TMEM38B: variants seen among roughly 807,000 people sequenced by gnomAD.
TMEM38B encodes trimeric intracellular cation channel type B.
In TMEM38B, 24 loss-of-function variants were observed where a neutral mutation model predicts 28.7. That is an observed-to-expected ratio of 0.84 (90% CI 0.61 to 1.18). TMEM38B has a LOEUF of 1.18. Among genes scored for constraint, TMEM38B ranks in the 50% most tolerant of loss-of-function variants. The pLI, the probability that TMEM38B is intolerant of heterozygous loss-of-function variation, is 0.00. For missense variants in TMEM38B, 380 were observed against 350.9 expected, an observed-to-expected ratio of 1.08 and a Z score of -0.66; for synonymous variants, 131 against 127.7, an observed-to-expected ratio of 1.03 and a Z score of -0.17.
intron 4 of TMEM38B, among the ~76,000 whole-genome samples, chr9:105,731,031 A>AT (rs1836721913): frequency 5.3e-5 from 8 of 151,978 alleles, no homozygotes; most frequent in South Asian, 2.1e-4. Context: ...GGATTCATTG[A>AT]TTTTTTGAAG....
At position 105,756,394 on chromosome 9, in the gene TMEM38B, A is replaced by G. The variant is rs189848381; in HGVS notation, c.660+8204A>G. On this transcript the variant is annotated intron_variant, in intron 5 of 5. Transcript: ENST00000374692. ...AGCATTTGGTATTTCACTATTAAGT[A>G]TAATGTTGGCTGTGGGTTTTTCCTA... is the stretch of plus-strand genomic sequence containing the variant. 6.2e-3 allele frequency among the ~76,000 whole-genome samples: 931 copies of G among 150,632 alleles called. 15 individuals carry two copies. The highest frequency in any genetic ancestry group is 0.022 in the African/African-American group (869 of 39,962).
chr9:105,703,942 T>G (rs1412589709), intron 1 of TMEM38B, among the ~76,000 whole-genome samples: 5 of 152,212 alleles, frequency 3.3e-5, no homozygotes, highest in African/African-American at 1.2e-4. Flanking sequence ...TAGATTCTGA[T>G]GAAACTGGAA....
At chr9:105,713,708 T>G (rs1332630207) in intron 2 of TMEM38B, among the ~76,000 whole-genome samples, 2 of 152,178 alleles carry the variant, frequency 1.3e-5, no homozygotes, top group African/African-American at 4.8e-5. Flanking sequence ...TGGGCAGGTC[T>G]GAAGCCTGGA....
At chr9:105,760,185 G>A in intron 5 of TMEM38B, 2 of 918,910 alleles carry the variant, frequency 2.2e-6, no homozygotes, top group Non-Finnish European at 3.6e-6. Flanking sequence ...TAATGCGTAT[G>A]ATTTCCCAAA....
At chr9:105,730,383 C>T (rs1227020154) in intron 4 of TMEM38B, among the ~76,000 whole-genome samples, 2 of 152,072 alleles carry the variant, frequency 1.3e-5, no homozygotes, top group Admixed American at 6.6e-5. Context: ...TATTGATTTG[C>T]GTATGTTGAA....
chr9:105,774,087 G>A lies in TMEM38B; in HGVS notation c.*7G>A, dbSNP rs761480437. ...TACTAAGAAGAATGAATAAATTTAC[G>A]TGATGAGCTCTACAAGGCCAAAAAT... On this transcript the variant is annotated 3_prime_UTR_variant, in exon 6 of 6. Coordinates refer to ENST00000374692, the MANE Select transcript of TMEM38B (RefSeq NM_018112.3). The A allele has an allele frequency of 8.1e-6, 13 of 1,612,590 alleles. No individual in the cohort carries two copies. Among genetic ancestry groups the A allele is most frequent in the East Asian group, 6.7e-5 (3 of 44,836 alleles).
intron 5 of TMEM38B, among the ~76,000 whole-genome samples, chr9:105,764,286 C>T (rs960532883): frequency 6.6e-6 from 1 of 152,190 alleles, no homozygotes; most frequent in Admixed American, 6.5e-5. Flanking sequence ...AAGAGGAAGT[C>T]AAATTGTCCC....
intron 4 of TMEM38B, among the ~76,000 whole-genome samples, chr9:105,728,305 A>G (rs1007996794): frequency 2.2e-5 from 3 of 138,870 alleles, no homozygotes; most frequent in African/African-American, 8.2e-5. Context: ...ATGTGTTCTC[A>G]TTATTCAACT....
chr9:105,721,801 C>T, intron 3 of TMEM38B, 80 bp downstream of exon 3: 1 of 1,073,936 alleles, frequency 9.3e-7, no homozygotes. Context: ...TCTCTAGTTA[C>T]ATTAATGGAT....
At chr9:105,719,274 G>A (rs929142587) in intron 2 of TMEM38B, among the ~76,000 whole-genome samples, 1 of 152,094 alleles carries the variant, frequency 6.6e-6, no homozygotes, top group Non-Finnish European at 1.5e-5. Flanking sequence ...ATAGTTAAAT[G>A]TATGAGAAGT....
chr9:105,757,533 A>G (rs1227975802), intron 5 of TMEM38B, among the ~76,000 whole-genome samples: 1 of 151,922 alleles, frequency 6.6e-6, no homozygotes, highest in Non-Finnish European at 1.5e-5. Context: ...CCAGCAGTGT[A>G]AAAGTGTTCC....
At chr9:105,698,327 G>A (rs1189836536) in intron 1 of TMEM38B, among the ~76,000 whole-genome samples, 1 of 152,024 alleles carries the variant, frequency 6.6e-6, no homozygotes, top group Non-Finnish European at 1.5e-5. Flanking sequence ...TGCTTTTAAA[G>A]TTTTCTCAAG....
intron 1 of TMEM38B, among the ~76,000 whole-genome samples, chr9:105,696,819 C>T (rs949819587): frequency 6.6e-6 from 1 of 152,052 alleles, no homozygotes; most frequent in African/African-American, 2.4e-5. Flanking sequence ...GTTGTTTGAC[C>T]TAAGGGCAAG....
chr9:105,719,967 C>A (rs1033689840), intron 2 of TMEM38B, among the ~76,000 whole-genome samples: 2 of 151,998 alleles, frequency 1.3e-5, no homozygotes, highest in Admixed American at 6.5e-5. Flanking sequence ...TAACCAACTT[C>A]TTAGAAATTA....
intron 5 of TMEM38B, among the ~76,000 whole-genome samples, chr9:105,773,529 A>G (rs1020601358): frequency 6.6e-6 from 1 of 152,174 alleles, no homozygotes; most frequent in Non-Finnish European, 1.5e-5. Context: ...ACGACAATGT[A>G]AAGCACTTAT....
chr9:105,748,617 A>C (rs960811799), intron 5 of TMEM38B, among the ~76,000 whole-genome samples: 1 of 152,190 alleles, frequency 6.6e-6, no homozygotes, highest in Non-Finnish European at 1.5e-5. Context: ...CCTGGTTGGA[A>C]GCTTTATTCC....
At chr9:105,738,715 CTTTTTTT>C (rs71489351) in intron 4 of TMEM38B, among the ~76,000 whole-genome samples, 5 of 109,690 alleles carry the variant, frequency 4.6e-5, no homozygotes, top group African/African-American at 1.2e-4. Flanking sequence ...TAATTTTTTC[CTTTTTTT>C]TTTTTTTTTT....
At position 105,764,354 on chromosome 9, in the gene TMEM38B, T is replaced by G. The variant is rs536470674; in HGVS notation, c.661-9511T>G. ...AACCCCATTGTCTCAGCCCGAAATC[T>G]CCTTAAGCTGATAAGCAACTTCAGC... On this transcript the variant is annotated intron_variant, in intron 5 of 5. Transcript: ENST00000374692. Among the ~76,000 whole-genome samples, 326 of 152,284 alleles carry G rather than the reference T, an allele frequency of 2.1e-3. 1 individual carries two copies. Among genetic ancestry groups the G allele is most frequent in the Non-Finnish European group, 3.4e-3 (228 of 67,986 alleles).
intron 2 of TMEM38B, among the ~76,000 whole-genome samples, chr9:105,720,569 G>A (rs978685978): frequency 3.3e-5 from 5 of 151,992 alleles, no homozygotes; most frequent in African/African-American, 1.2e-4. Context: ...ACAGACTATT[G>A]TATCTTTTTA....
Sources: gnomAD v4.1 joint callset for allele counts (sites outside exome capture counted in the v4.1 genomes callset) on GRCh38, gnomAD v4.1.1 for gene constraint, MANE v1.5 for transcripts, NCBI Gene and HGNC (gene_info 2026-07-23, HGNC 2026-07-21) for gene names.